ITPKC: variants seen among roughly 807,000 people sequenced by gnomAD.
ITPKC encodes inositol-trisphosphate 3-kinase C, also known as IP3 3-kinase C.
Under a neutral mutation model 67.1 loss-of-function variants are expected in ITPKC, and 33 were observed. That is an observed-to-expected ratio of 0.49 (90% CI 0.37 to 0.66). The LOEUF (loss-of-function observed/expected upper bound fraction) is 0.66. ITPKC is among the 30% of genes least tolerant of loss of function. ITPKC has a pLI of 0.00. For synonymous variants in ITPKC, 341 were observed against 359.8 expected (o/e 0.95, Z 0.59); for missense variants, 820 against 892.1 (o/e 0.92, Z 1.03).
intron 1 of ITPKC, among the ~76,000 whole-genome samples, chr19:40,724,409 CAAAA>C (rs1174092929): frequency 6.6e-6 from 1 of 152,046 alleles, no homozygotes; most frequent in Non-Finnish European, 1.5e-5. Flanking sequence ...ACAAAACAAA[CAAAA>C]AACAACAATC....
chr19:40,727,531 C>T (rs577209237), intron 2 of ITPKC, among the ~76,000 whole-genome samples: 1 of 152,286 alleles, frequency 6.6e-6, no homozygotes, highest in East Asian at 1.9e-4. Flanking sequence ...GGGAACTCAG[C>T]TAGGGACACC....
At chr19:40,736,960 C>T (rs755467840) in intron 4 of ITPKC, 26 bp from the exon 5 acceptor site, 198 of 1,483,558 alleles carry the variant, frequency 1.3e-4, no homozygotes, top group Non-Finnish European at 1.8e-4. Context: ...GCCCATGACC[C>T]TGCCCCTCCA....
intron 3 of ITPKC, among the ~76,000 whole-genome samples, chr19:40,731,620 T>A (rs2082271592): frequency 6.8e-6 from 1 of 147,656 alleles, no homozygotes; most frequent in Admixed American, 6.7e-5. Context: ...TTTTTTTTTT[T>A]GAGAGGGAGT....
chr19:40,726,772 C>G lies in ITPKC; in HGVS notation c.1255+1333C>G, dbSNP rs182052347. Among the ~76,000 whole-genome samples the G allele has an allele frequency of 5.3e-5, 8 of 152,202 alleles. No individual in the cohort carries two copies. In the East Asian group the frequency reaches 1.5e-3, roughly 29 times the overall value. ...AAAAACAAAACTCAGCAGAGCACAG[C>G]GGCTCATGGCTGTAGTTCTAGCACT... On this transcript the variant is annotated intron_variant, in intron 2 of 6. Coordinates refer to ENST00000263370, the MANE Select transcript of ITPKC (RefSeq NM_025194.3).
intron 3 of ITPKC, among the ~76,000 whole-genome samples, chr19:40,732,745 G>T (rs1045419559): frequency 2.0e-5 from 3 of 151,990 alleles, no homozygotes; most frequent in Non-Finnish European, 4.4e-5. Context: ...CTTTAATTTA[G>T]TCCAGTTTGT....
In ITPKC at chr19:40,740,772, G is replaced by A. The variant is rs575315093; in HGVS notation, c.*1212G>A. The A allele has an allele frequency of 4.1e-5, 16 of 392,184 alleles. No individual in the cohort carries two copies. In the East Asian group the frequency reaches 4.3e-4, roughly 11 times the overall value. 24.3% of individuals were successfully genotyped at this position (392,184 alleles called of 1,614,324 possible). On this transcript the variant is annotated 3_prime_UTR_variant, in exon 7 of 7. Transcript: ENST00000263370. ...TTTATACGAGAGGCAGTTGCTGGAC[G>A]GGGTAGTACTGGGAAGCAGGAGGCA... is the stretch of plus-strand genomic sequence containing the variant.
chr19:40,736,723 G>A (rs981096614), intron 4 of ITPKC, among the ~76,000 whole-genome samples: 2 of 151,970 alleles, frequency 1.3e-5, no homozygotes, highest in Non-Finnish European at 2.9e-5. Context: ...CAGGCTGGTT[G>A]TGAACTCCTG....
At position 40,729,287 on chromosome 19, in the gene ITPKC, C is replaced by A. The variant is rs2082259774; in HGVS notation, c.1341C>A (p.Asp447Glu). The part of the protein sequence containing the change: ...EQRSLEQLMK[D>E]PLRPFVPAYY... The stretch of plus-strand genomic sequence containing the variant: ...GCAGCCTGGAGCAGCTGATGAAAGA[C>A]CCGCTGCGACCTTTCGTGCCTGCCT... Residue 447 changes from aspartate to glutamate, a missense_variant, in exon 3 of 7, where the codon GAC becomes GAA. Around this residue, in one of 2 missense-constraint regions of ITPKC, gnomAD observed 339 missense variants for 422.0 expected, o/e 0.80. Coordinates refer to ENST00000263370, the MANE Select transcript of ITPKC (RefSeq NM_025194.3). 2 of 1,614,154 alleles carry A rather than the reference C, an allele frequency of 1.2e-6. No homozygotes were observed. Among genetic ancestry groups the A allele is most frequent in the Non-Finnish European group, 1.7e-6 (2 of 1,180,002 alleles).
chr19:40,734,269 C>G (rs535260286), intron 4 of ITPKC, among the ~76,000 whole-genome samples: 17 of 152,264 alleles, frequency 1.1e-4, no homozygotes, highest in African/African-American at 4.1e-4. Context: ...CCCCTATAGA[C>G]AGACACCTGG....
chr19:40,733,039 T>C, intron 3 of ITPKC, 121 bp from the exon 4 acceptor site: 1 of 758,298 alleles, frequency 1.3e-6, no homozygotes, highest in Non-Finnish European at 2.2e-6. Flanking sequence ...CTCTGTTGTA[T>C]TCTGTGCATT....
Position 40,717,460 on chromosome 19 carries a change from C to T in ITPKC, c.325C>T (p.Pro109Ser). Reference protein sequence around the residue: ...AAGLGVETERPKQKTEPDRSS... With the variant: ...AAGLGVETERSKQKTEPDRSS... ...TGGCCTTGGAGTAGAGACCGAGAGG[C>T]CCAAGCAAAAGACGGAGCCAGACAG... The change falls in exon 1 of 7, where the codon CCC becomes TCC. Residue 109 changes from proline (P) to serine (S), a missense_variant. Coordinates refer to ENST00000263370, the MANE Select transcript of ITPKC (RefSeq NM_025194.3). 1 of 1,614,038 alleles carries T rather than the reference C, an allele frequency of 6.2e-7. No individual in the cohort carries two copies. The highest frequency in any genetic ancestry group is 1.6e-4 in the Middle Eastern group (1 of 6,062).
At chr19:40,728,436 G>T (rs2082255998) in intron 2 of ITPKC, among the ~76,000 whole-genome samples, 1 of 152,066 alleles carries the variant, frequency 6.6e-6, no homozygotes, top group African/African-American at 2.4e-5. Flanking sequence ...GCCACTAGAA[G>T]AAATTAGAAT....
At chr19:40,731,527 C>T in intron 3 of ITPKC, among the ~76,000 whole-genome samples, 1 of 151,092 alleles carries the variant, frequency 6.6e-6, no homozygotes. Flanking sequence ...CATGCCCTCC[C>T]TGGGCGCACC....
Position 40,717,728 on chromosome 19 carries a change from A to C in ITPKC, c.593A>C (p.His198Pro), listed in dbSNP as rs753282561. The change falls in exon 1 of 7, where the codon CAC (histidine) becomes CCC (proline). Residue 198 changes from histidine (H) to proline (P), a missense_variant. Physicochemically the swap from His to Pro is moderately conservative, Grantham distance 77 (BLOSUM62 -2). Around this residue, in one of 2 missense-constraint regions of ITPKC, gnomAD observed 481 missense variants for 470.1 expected, o/e 1.02. Transcript: ENST00000263370. ...TCCTGGGCTGATAACCTCTGGACCC[A>C]CCAGAACAGTTCCAGCCTCCAGACT... ...VKSWADNLWT[H>P]QNSSSLQTHP... The C allele has an allele frequency of 5.0e-6, 8 of 1,613,718 alleles. No individual in the cohort carries two copies. Among genetic ancestry groups the C allele is most frequent in the Non-Finnish European group, 8.5e-7 (1 of 1,179,904 alleles).
chr19:40,724,947 TAA>T (rs369519928), intron 1 of ITPKC, among the ~76,000 whole-genome samples: 9 of 119,736 alleles, frequency 7.5e-5, no homozygotes, highest in Admixed American at 8.3e-5. Context: ...CTGTCTCAAT[TAA>T]AAAAAAAAAA....
intron 3 of ITPKC, 32 bp downstream of exon 3, chr19:40,729,447 G>C: frequency 6.4e-7 from 1 of 1,572,798 alleles, no homozygotes; most frequent in Admixed American, 1.8e-5. Flanking sequence ...GGCAGGGATG[G>C]AGGGCAGGGG....
rs761304160 is a variant in ITPKC at position 40,737,787 on chromosome 19, C to G, written c.1848+18C>G. ...CCCACGAGGTGCGAGCCCTGGCTTC[C>G]ATGGGTGGATGTATGGGTGTCGGGG... On this transcript the variant is annotated intron_variant, in intron 6 of 6. Coordinates refer to ENST00000263370, the MANE Select transcript of ITPKC (RefSeq NM_025194.3). The G allele has an allele frequency of 6.2e-7, 1 of 1,607,372 alleles. No individual in the cohort carries two copies. The highest frequency in any genetic ancestry group is 8.5e-7 in the Non-Finnish European group (1 of 1,173,914).
intron 5 of ITPKC, 151 bp from the exon 6 acceptor site, chr19:40,737,547 C>G (rs2082300347): frequency 2.9e-6 from 2 of 686,426 alleles, no homozygotes; most frequent in African/African-American, 3.6e-5. Flanking sequence ...CAAGCCCTCA[C>G]TCCTCTGCCC....
intron 1 of ITPKC, among the ~76,000 whole-genome samples, chr19:40,719,219 C>T (rs370562528): frequency 2.0e-5 from 3 of 152,288 alleles, no homozygotes; most frequent in African/African-American, 7.2e-5. Context: ...CGTGTTCACA[C>T]ATGTGGCCCT....
Sources: gnomAD v4.1 joint callset for allele counts (sites outside exome capture counted in the v4.1 genomes callset) on GRCh38, gnomAD v4.1.1 for gene constraint, gnomAD v4.1.1 regional missense constraint, MANE v1.5 for transcripts, NCBI Gene and HGNC (gene_info 2026-07-23, HGNC 2026-07-21) for gene names.